HTRA1: variants seen among roughly 807,000 people sequenced by gnomAD.
The protein encoded by HTRA1 is HtrA serine peptidase 1.
In HTRA1, 26 loss-of-function variants were observed where a neutral mutation model predicts 49.7. The ratio of observed to expected loss-of-function variants is 0.52; its 90% CI spans 0.38 to 0.73. The LOEUF (loss-of-function observed/expected upper bound fraction) is 0.73, where lower values mean the gene tolerates loss of function less well. HTRA1 is among the 30% of genes least tolerant of loss of function. The pLI is 0.00. For missense variants in HTRA1, 561 were observed against 667.2 expected (o/e 0.84, Z 1.75); for synonymous variants, 291 against 286.9 (o/e 1.01, Z -0.14).
intron 1 of HTRA1, among the ~76,000 whole-genome samples, chr10:122,484,396 G>GA (rs1308156089): frequency 6.6e-6 from 1 of 152,186 alleles, no homozygotes; most frequent in African/African-American, 2.4e-5. Flanking sequence ...GTGAAGGCCA[G>GA]AAAAAACAGC....
At position 122,489,541 on chromosome 10, in the gene HTRA1, A is replaced by G; in HGVS notation, c.692A>G (p.Glu231Gly). 6.2e-7 allele frequency: 1 copy of G among 1,614,194 alleles called. No individual in the cohort carries two copies. The highest frequency in any genetic ancestry group is 1.6e-4 in the Middle Eastern group (1 of 6,062). ...VVTNKHRVKVELKNGATYEAK... is the reference protein window; with the variant it reads ...VVTNKHRVKVGLKNGATYEAK... ...ACCAACAAGCACCGGGTCAAAGTTG[A>G]GCTGAAGAACGGTGCCACTTACGAA... The change falls in exon 3 of 9, where the codon GAG becomes GGG. Residue 231 changes from glutamate to glycine, a missense_variant. Physicochemically the swap from Glu to Gly is moderately conservative, Grantham distance 98 (BLOSUM62 -2). This residue lies in a region of HTRA1 where 271 missense variants were observed against 410.0 expected (regional missense o/e 0.66). Transcript: ENST00000368984.
At chr10:122,468,928 A>G (rs2097484931) in intron 1 of HTRA1, among the ~76,000 whole-genome samples, 1 of 152,186 alleles carries the variant, frequency 6.6e-6, no homozygotes, top group Non-Finnish European at 1.5e-5. Flanking sequence ...GAGTCCATGG[A>G]TACCCTATTA....
chr10:122,466,527 G>T (rs1027448185), intron 1 of HTRA1, among the ~76,000 whole-genome samples: 1 of 152,166 alleles, frequency 6.6e-6, no homozygotes. Context: ...ATCATTGCTA[G>T]CTGAGTGCTG....
chr10:122,494,661 A>C lies in HTRA1; in HGVS notation c.777+5035A>C, dbSNP rs1052585638. On this transcript the variant is annotated intron_variant, in intron 3 of 8. Transcript: ENST00000368984. This position sits in a 1 kb window ranked among gnomAD's most constrained non-coding sequence, Gnocchi z 4.0. ...AGGCCTGCGCCACCCCCCCAACCCC[A>C]CGGCCACCTTTGGGCCAGATGGCAC... Among the ~76,000 whole-genome samples the C allele has an allele frequency of 1.3e-4, 20 of 150,778 alleles. No homozygotes were observed. Among genetic ancestry groups the C allele is most frequent in the African/African-American group, 4.6e-4 (19 of 40,926 alleles).
chr10:122,489,481 A>C lies in HTRA1; in HGVS notation c.632A>C (p.Glu211Ala). 1.2e-6 allele frequency: 2 copies of C among 1,614,160 alleles called. No homozygotes were observed. Among genetic ancestry groups the C allele is most frequent in the Non-Finnish European group, 8.5e-7 (1 of 1,180,034 alleles). The change falls in exon 3 of 9, where the codon GAA becomes GCA. Residue 211 changes from glutamate to alanine, a missense_variant. Glu to Ala is a moderately radical substitution (Grantham distance 107, BLOSUM62 -1). Coordinates refer to ENST00000368984, the MANE Select transcript of HTRA1 (RefSeq NM_002775.5). ...AGTGGGTCTGGGTTTATTGTGTCGG[A>C]AGATGGACTGATCGTGACAAATGCC... ...VASGSGFIVS[E>A]DGLIVTNAHV...
intron 1 of HTRA1, among the ~76,000 whole-genome samples, chr10:122,463,361 G>T (rs1233547587): frequency 6.6e-6 from 1 of 151,620 alleles, no homozygotes; most frequent in African/African-American, 2.4e-5. Context: ...GCAGTAGAGA[G>T]TTGTCCCGGA....
rs1365211691 is a variant in HTRA1 at position 122,514,697 on chromosome 10, C to T, written c.*338C>T. ...TCCAACTAATGCAGTCGATACAATG[C>T]GTAGATAGAAGAAGCCCCACGGGAG... On this transcript the variant is annotated 3_prime_UTR_variant, in exon 9 of 9. Transcript: ENST00000368984. 5.7e-6 allele frequency: 2 copies of T among 347,882 alleles called. No individual in the cohort carries two copies. Among genetic ancestry groups the T allele is most frequent in the Non-Finnish European group, 1.1e-5 (2 of 180,186 alleles). The allele number at this position is 347,882 out of a possible 1,614,324, so 21.5% of individuals were successfully genotyped here. A position where few individuals can be genotyped will look rare whatever the true frequency, so the allele number is the denominator to read the frequency against.
chr10:122,471,781 G>A (rs1224867945), intron 1 of HTRA1, among the ~76,000 whole-genome samples: 3 of 152,196 alleles, frequency 2.0e-5, no homozygotes, highest in Non-Finnish European at 4.4e-5. Context: ...CCGCATCTCA[G>A]CCGCATCCTC....
intron 1 of HTRA1, among the ~76,000 whole-genome samples, chr10:122,462,375 C>T (rs998360374): frequency 6.6e-6 from 1 of 152,240 alleles, no homozygotes; most frequent in Non-Finnish European, 1.5e-5. Context: ...CTCTGGGGCT[C>T]GAGACGCCGG....
At chr10:122,500,264 G>A (rs2097500348) in intron 3 of HTRA1, among the ~76,000 whole-genome samples, 1 of 152,178 alleles carries the variant, frequency 6.6e-6, no homozygotes, top group South Asian at 2.1e-4. Flanking sequence ...GTATAAGTTT[G>A]CGGGGATCAT....
chr10:122,465,656 A>G (rs940490116), intron 1 of HTRA1, among the ~76,000 whole-genome samples: 1 of 152,094 alleles, frequency 6.6e-6, no homozygotes, highest in Non-Finnish European at 1.5e-5. Flanking sequence ...CACAGCCTTC[A>G]CTCTGCAGGC....
intron 3 of HTRA1, among the ~76,000 whole-genome samples, chr10:122,499,274 G>A (rs1006899409): frequency 2.0e-5 from 3 of 152,190 alleles, no homozygotes; most frequent in African/African-American, 4.8e-5. Flanking sequence ...ACAATGCCAA[G>A]TCGTGAGGCC....
intron 1 of HTRA1, among the ~76,000 whole-genome samples, chr10:122,481,836 CT>C (rs1291987629): frequency 6.6e-6 from 1 of 152,122 alleles, no homozygotes; most frequent in African/African-American, 2.4e-5. Context: ...GGGAGTTTCC[CT>C]GCACAAGCTC....
Position 122,461,622 on chromosome 10 carries a change from C to A in HTRA1, c.-31C>A. On this transcript the variant is annotated 5_prime_UTR_variant, in exon 1 of 9. Transcript: ENST00000368984. ...GCCGCTCTCCGGCCCTCGCCCTGTC[C>A]GCCGCCACCGCCGCCGCCGCCAGAG... 7.9e-7 allele frequency: 1 copy of A among 1,267,740 alleles called. No individual in the cohort carries two copies. Among genetic ancestry groups the A allele is most frequent in the Non-Finnish European group, 1.0e-6 (1 of 979,552 alleles). 78.5% of individuals were successfully genotyped at this position (1,267,740 alleles called of 1,614,324 possible).
At chr10:122,471,857 G>A (rs2097486268) in intron 1 of HTRA1, among the ~76,000 whole-genome samples, 1 of 152,188 alleles carries the variant, frequency 6.6e-6, no homozygotes, top group South Asian at 2.1e-4. Flanking sequence ...TGTAAGGCTG[G>A]AGAAACAGGC....
chr10:122,486,836 G>C (rs2097493307), intron 1 of HTRA1, among the ~76,000 whole-genome samples: 1 of 152,102 alleles, frequency 6.6e-6, no homozygotes, highest in Non-Finnish European at 1.5e-5. Context: ...GTATATGAAT[G>C]TGTGTGGAAG....
In HTRA1 at chr10:122,507,372, T is replaced by C; in HGVS notation, c.975T>C (p.Tyr325=). ...DYIQTDAIIN[Y]GNSGGPLVNL... is the part of the protein sequence containing the mutation. ...TTTTCATTTCTGTTTAATTGCAGTATGGAAACTCGGGAGGCCCGTTAGTAA... is the reference window on the plus strand; with the variant it reads ...TTTTCATTTCTGTTTAATTGCAGTACGGAAACTCGGGAGGCCCGTTAGTAA... Residue 325 remains tyrosine, a splice_region_variant and synonymous_variant, in exon 5 of 9, where the codon TAT becomes TAC. Transcript: ENST00000368984. 6.2e-7 allele frequency: 1 copy of C among 1,611,808 alleles called. No homozygotes were observed. Among genetic ancestry groups the C allele is most frequent in the South Asian group, 1.1e-5 (1 of 91,032 alleles).
chr10:122,508,648 C>T lies in HTRA1; in HGVS notation c.1006-8C>T. ...GATTCAGTAAGCCGTGTCCTTCTTG[C>T]TTTTCAGGACGGTGAAGTGATTGGA... On this transcript the variant is annotated splice_polypyrimidine_tract_variant and splice_region_variant and intron_variant, in intron 5 of 8. Transcript: ENST00000368984. The T allele has an allele frequency of 6.3e-7, 1 of 1,577,568 alleles. No homozygotes were observed. Among genetic ancestry groups the T allele is most frequent in the Non-Finnish European group, 8.7e-7 (1 of 1,146,634 alleles).
At position 122,514,414 on chromosome 10, in the gene HTRA1, G is replaced by A. The variant is rs1313872453; in HGVS notation, c.*55G>A. On this transcript the variant is annotated 3_prime_UTR_variant, in exon 9 of 9. Coordinates refer to ENST00000368984, the MANE Select transcript of HTRA1 (RefSeq NM_002775.5). ...CCTCAAAGACTCTCCCGTGGATGACGGATGAGGACTCTGGGCTGCTGGAAT... is the reference window on the plus strand; with the variant it reads ...CCTCAAAGACTCTCCCGTGGATGACAGATGAGGACTCTGGGCTGCTGGAAT... 4.5e-6 allele frequency: 7 copies of A among 1,561,684 alleles called. No homozygotes were observed. The highest frequency in any genetic ancestry group is 5.3e-6 in the Non-Finnish European group (6 of 1,132,840).
Sources: gnomAD v4.1 joint callset for allele counts (sites outside exome capture counted in the v4.1 genomes callset) on GRCh38, gnomAD v4.1.1 for gene constraint, gnomAD v4.1.1 regional missense constraint, Gnocchi (gnomAD v3.1) non-coding constraint, MANE v1.5 for transcripts, NCBI Gene and HGNC (gene_info 2026-07-23, HGNC 2026-07-21) for gene names.